The following CCSER1 variants were observed in gnomAD, a reference collection of about 807,000 sequenced individuals.
CCSER1 encodes coiled-coil serine rich protein 1, also known as serine-rich coiled-coil domain-containing protein 1.
Under a neutral mutation model 82.0 loss-of-function variants are expected in CCSER1, and 41 were observed. The observed-to-expected ratio is 0.50, with a 90% CI of 0.39 to 0.65. The LOEUF (loss-of-function observed/expected upper bound fraction) is 0.65. Ranked by LOEUF, CCSER1 falls within the 30% of genes least tolerant of loss-of-function variation. The pLI is 0.00. For missense variants in CCSER1, 1,119 were observed against 1,064.2 expected (o/e 1.05, Z -0.72); for synonymous variants, 414 against 383.9 (o/e 1.08, Z -0.92).
chr4:90,193,555 A>G (rs887118993), intron 1 of CCSER1, among the ~76,000 whole-genome samples: 2 of 150,668 alleles, frequency 1.3e-5, no homozygotes, highest in African/African-American at 4.9e-5. Flanking sequence ...CTTAAAAGTT[A>G]TTACTTCACT....
chr4:91,145,841 C>G (rs970308619), intron 10 of CCSER1, among the ~76,000 whole-genome samples: 1 of 152,002 alleles, frequency 6.6e-6, no homozygotes, highest in African/African-American at 2.4e-5. Context: ...AATATGTTTC[C>G]CTTTGAAAGT....
intron 10 of CCSER1, among the ~76,000 whole-genome samples, chr4:91,462,011 G>A (rs767631854): frequency 2.0e-5 from 3 of 151,880 alleles, no homozygotes; most frequent in Non-Finnish European, 4.4e-5. Flanking sequence ...ATAATTCCAG[G>A]GACCTATTGC....
chr4:90,799,348 TG>T (rs995586115), intron 7 of CCSER1, among the ~76,000 whole-genome samples: 5 of 151,718 alleles, frequency 3.3e-5, no homozygotes, highest in African/African-American at 1.2e-4. Context: ...TGGCGGAGGG[TG>T]GGGGACAGAC....
intron 10 of CCSER1, among the ~76,000 whole-genome samples, chr4:91,389,460 CATT>C (rs1467612972): frequency 1.3e-5 from 2 of 152,122 alleles, no homozygotes; most frequent in African/African-American, 4.8e-5. Flanking sequence ...CAATATCAAT[CATT>C]GTCTCTGATT....
intron 10 of CCSER1, among the ~76,000 whole-genome samples, chr4:91,089,835 C>T (rs1391964496): frequency 6.6e-6 from 1 of 152,122 alleles, no homozygotes; most frequent in African/African-American, 2.4e-5. Context: ...TTAAATATGT[C>T]TTCAACTACT....
chr4:91,148,659 G>C (rs533854249), intron 10 of CCSER1, among the ~76,000 whole-genome samples: 57 of 152,018 alleles, frequency 3.7e-4, no homozygotes, highest in African/African-American at 1.3e-3. Context: ...GACAGGCCCC[G>C]GTGTGTGATG....
chr4:90,988,677 T>C (rs1736782890), intron 9 of CCSER1, among the ~76,000 whole-genome samples: 1 of 151,856 alleles, frequency 6.6e-6, no homozygotes, highest in Admixed American at 6.6e-5. Flanking sequence ...TAAATACTTA[T>C]AATGACATAA....
chr4:90,664,795 G>T (rs192456740), intron 6 of CCSER1, among the ~76,000 whole-genome samples: 32 of 152,270 alleles, frequency 2.1e-4, no homozygotes, highest in Admixed American at 2.0e-3. Flanking sequence ...AGTGACTCGG[G>T]AGGCTGAGGC....
chr4:90,631,973 A>G (rs932709186), intron 6 of CCSER1, among the ~76,000 whole-genome samples: 1 of 152,168 alleles, frequency 6.6e-6, no homozygotes, highest in African/African-American at 2.4e-5. Flanking sequence ...CAAATATTCT[A>G]AAGTCTGAAA....
chr4:90,444,648 T>C (rs1760374488), intron 4 of CCSER1, among the ~76,000 whole-genome samples: 1 of 152,090 alleles, frequency 6.6e-6, no homozygotes, highest in Admixed American at 6.6e-5. Context: ...TTAAGGACAT[T>C]TGCTGATAAT....
intron 10 of CCSER1, among the ~76,000 whole-genome samples, chr4:91,554,605 G>T (rs550621256): frequency 4.0e-5 from 6 of 151,290 alleles, no homozygotes; most frequent in African/African-American, 1.5e-4. Flanking sequence ...AAATAATAAT[G>T]TAAAAATGTC....
intron 7 of CCSER1, among the ~76,000 whole-genome samples, chr4:90,770,153 G>A (rs757344536): frequency 5.9e-5 from 9 of 152,110 alleles, no homozygotes; most frequent in Admixed American, 6.5e-5. Flanking sequence ...TGATCCATCA[G>A]TTCCAGTGGA....
intron 10 of CCSER1, among the ~76,000 whole-genome samples, chr4:91,424,885 T>C (rs970367240): frequency 6.6e-6 from 1 of 152,100 alleles, no homozygotes; most frequent in African/African-American, 2.4e-5. Context: ...CAAGAAATTA[T>C]ATGTGTGGTT....
Position 91,175,874 on chromosome 4 carries a change from G to A in CCSER1, c.2217+89880G>A, listed in dbSNP as rs543553614. Among the ~76,000 whole-genome samples, 123 of 152,226 alleles carry A rather than the reference G, an allele frequency of 8.1e-4. 1 individual carries two copies. The highest frequency in any genetic ancestry group is 1.2e-3 in the Non-Finnish European group (85 of 68,024). On this transcript the variant is annotated intron_variant, in intron 10 of 10. Coordinates refer to ENST00000509176, the MANE Select transcript of CCSER1 (RefSeq NM_001145065.2). ...TTGGCTTTTGTTGCCATTGCTTTTGGTGTTTTAGTCATGAAGTTCTTGCCC... is the reference window on the plus strand; with the variant it reads ...TTGGCTTTTGTTGCCATTGCTTTTGATGTTTTAGTCATGAAGTTCTTGCCC...
chr4:90,971,752 A>G (rs1212441146), intron 9 of CCSER1, among the ~76,000 whole-genome samples: 3 of 151,952 alleles, frequency 2.0e-5, no homozygotes, highest in Admixed American at 2.0e-4. Flanking sequence ...ACATAGATGT[A>G]AAAGTCCTTT....
chr4:90,430,110 C>A (rs987441235), intron 4 of CCSER1, among the ~76,000 whole-genome samples: 4 of 151,890 alleles, frequency 2.6e-5, no homozygotes, highest in Non-Finnish European at 4.4e-5. Flanking sequence ...ATACCTAGTA[C>A]ACTCTCAAAG....
intron 10 of CCSER1, among the ~76,000 whole-genome samples, chr4:91,526,268 C>G (rs1335287658): frequency 6.6e-6 from 1 of 152,200 alleles, no homozygotes; most frequent in Non-Finnish European, 1.5e-5. Flanking sequence ...GATTCCAGAT[C>G]TTTGGATAAA....
rs566820858 is a variant in CCSER1 at position 90,169,084 on chromosome 4, G to A, written c.-42+41253G>A. On this transcript the variant is annotated intron_variant, in intron 1 of 10. Coordinates refer to ENST00000509176, the MANE Select transcript of CCSER1 (RefSeq NM_001145065.2). Reference sequence around the variant, plus strand: ...CCTTGGGCAGTATGGCCATGTTCACGATATTGATTCTTCCTACCCATGAGC... The same window carrying A: ...CCTTGGGCAGTATGGCCATGTTCACAATATTGATTCTTCCTACCCATGAGC... Among the ~76,000 whole-genome samples the A allele has an allele frequency of 8.0e-3, 1,214 of 152,020 alleles. 7 individuals are homozygous for A. The highest frequency in any genetic ancestry group is 0.012 in the Non-Finnish European group (799 of 67,952).
chr4:90,911,360 G>A (rs1169528901), intron 8 of CCSER1: 1 of 455,820 alleles, frequency 2.2e-6, no homozygotes, highest in East Asian at 6.9e-5. Flanking sequence ...CATTAAAGGT[G>A]GGTGACAATG....
Sources: gnomAD v4.1 joint callset for allele counts (sites outside exome capture counted in the v4.1 genomes callset) on GRCh38, gnomAD v4.1.1 for gene constraint, MANE v1.5 for transcripts, NCBI Gene and HGNC (gene_info 2026-07-23, HGNC 2026-07-21) for gene names.